SCAMP1: variants seen among roughly 807,000 people sequenced by gnomAD.
SCAMP1 encodes secretory carrier membrane protein 1, also known as secretory carrier-associated membrane protein 1.
SCAMP1 carries 15 observed loss-of-function variants against 41.8 expected under a neutral mutation model. The observed-to-expected ratio is 0.36, with a 90% CI of 0.24 to 0.55. The LOEUF is 0.55. Ranked by LOEUF, SCAMP1 falls within the 20% of genes least tolerant of loss-of-function variation. The pLI is 0.86. For synonymous variants in SCAMP1, 135 were observed against 136.8 expected (o/e 0.99, Z 0.09); for missense variants, 341 against 412.6 (o/e 0.83, Z 1.50).
chr5:78,385,014 A>G (rs927705527), intron 1 of SCAMP1, among the ~76,000 whole-genome samples: 1 of 152,102 alleles, frequency 6.6e-6, no homozygotes, highest in Non-Finnish European at 1.5e-5. Context: ...AATAGTGCCA[A>G]TAGGATTGAT....
At chr5:78,456,552 C>G (rs1753408982) in intron 7 of SCAMP1, among the ~76,000 whole-genome samples, 1 of 151,354 alleles carries the variant, frequency 6.6e-6, no homozygotes, top group Non-Finnish European at 1.5e-5. Context: ...GCCGACAGAT[C>G]TGCTGTTAGT....
At chr5:78,460,621 T>C (rs1753561014) in intron 8 of SCAMP1, among the ~76,000 whole-genome samples, 1 of 151,680 alleles carries the variant, frequency 6.6e-6, no homozygotes, top group South Asian at 2.1e-4. Flanking sequence ...TTTGTTTAAG[T>C]CCTTTATACA....
At chr5:78,450,167 C>A (rs1753184185) in intron 7 of SCAMP1, 133 bp downstream of exon 7, 1 of 583,568 alleles carries the variant, frequency 1.7e-6, no homozygotes, top group Admixed American at 3.7e-5. Context: ...TTTAAAAATA[C>A]AATTTTAAAA....
intron 1 of SCAMP1, among the ~76,000 whole-genome samples, chr5:78,386,216 T>C (rs1344271290): frequency 6.6e-6 from 1 of 152,184 alleles, no homozygotes; most frequent in Non-Finnish European, 1.5e-5. Flanking sequence ...TGTCCCTCTT[T>C]GTCTTTTTTA....
At chr5:78,422,870 AG>A (rs1374484944) in intron 6 of SCAMP1, among the ~76,000 whole-genome samples, 2 of 152,210 alleles carry the variant, frequency 1.3e-5, no homozygotes, top group South Asian at 2.1e-4. Flanking sequence ...CTCGTGAATA[AG>A]GGGTAACATT....
intron 8 of SCAMP1, among the ~76,000 whole-genome samples, chr5:78,464,339 T>C (rs550459621): frequency 6.6e-6 from 1 of 152,220 alleles, no homozygotes; most frequent in South Asian, 2.1e-4. Flanking sequence ...AGACAGGGTT[T>C]CACCATGTTG....
chr5:78,429,512 TG>T (rs1161224670), intron 6 of SCAMP1, among the ~76,000 whole-genome samples: 1 of 152,106 alleles, frequency 6.6e-6, no homozygotes, highest in African/African-American at 2.4e-5. Flanking sequence ...CCTGCATTTC[TG>T]GCATACTTTC....
At chr5:78,368,172 A>G (rs1442078562) in intron 1 of SCAMP1, among the ~76,000 whole-genome samples, 6 of 152,188 alleles carry the variant, frequency 3.9e-5, no homozygotes, top group African/African-American at 1.4e-4. Flanking sequence ...TTTTGAGACA[A>G]TCTTCATTTA....
chr5:78,381,528 T>A (rs548526806), intron 1 of SCAMP1, among the ~76,000 whole-genome samples: 46 of 152,340 alleles, frequency 3.0e-4, no homozygotes, highest in Middle Eastern at 3.4e-3. Flanking sequence ...AAATTTTGAT[T>A]AAAATGACAT....
chr5:78,391,588 C>T (rs1751505797), intron 2 of SCAMP1, among the ~76,000 whole-genome samples: 1 of 152,274 alleles, frequency 6.6e-6, no homozygotes, highest in African/African-American at 2.4e-5. Flanking sequence ...AGACGCTCCT[C>T]ACTTCCCACA....
intron 1 of SCAMP1, among the ~76,000 whole-genome samples, chr5:78,374,496 T>TA (rs1751017679): frequency 6.6e-6 from 1 of 152,134 alleles, no homozygotes; most frequent in Admixed American, 6.5e-5. Context: ...GCTGGCAATA[T>TA]AAAATGAAAC....
At chr5:78,395,421 A>G (rs970931616) in intron 2 of SCAMP1, among the ~76,000 whole-genome samples, 1 of 152,182 alleles carries the variant, frequency 6.6e-6, no homozygotes, top group South Asian at 2.1e-4. Flanking sequence ...ATGGATCCAG[A>G]TGAATACTTC....
chr5:78,477,943 T>C lies in SCAMP1; in HGVS notation c.*2275T>C, dbSNP rs1754043181. On this transcript the variant is annotated 3_prime_UTR_variant, in exon 9 of 9. Transcript: ENST00000621999. ...TCTATATTTAGTACTAAAATCACAG[T>C]CATGAAATCATAGTCATAAAATGGT... 6.6e-6 allele frequency: 1 copy of C among 152,164 alleles called. No homozygotes were observed. Among genetic ancestry groups the C allele is most frequent in the Admixed American group, 6.5e-5 (1 of 15,286 alleles). The allele number at this position is 152,164 out of a possible 1,614,324, so 9.4% of individuals were successfully genotyped here.
At chr5:78,408,202 G>A (rs11742780) in intron 2 of SCAMP1, among the ~76,000 whole-genome samples, 45,056 of 152,026 alleles carry the variant, frequency 0.3, 7,003 homozygotes, top group East Asian at 0.54. Flanking sequence ...GGTGGGAGGT[G>A]AAGGACAAGC....
intron 8 of SCAMP1, among the ~76,000 whole-genome samples, chr5:78,466,075 G>C (rs1304123559): frequency 2.0e-5 from 3 of 152,202 alleles, no homozygotes; most frequent in Admixed American, 2.0e-4. Flanking sequence ...CCATTCTTTG[G>C]AGAATTCCTT....
intron 1 of SCAMP1, among the ~76,000 whole-genome samples, chr5:78,372,385 C>T (rs985207946): frequency 1.3e-5 from 2 of 152,118 alleles, no homozygotes; most frequent in African/African-American, 4.8e-5. Context: ...GCTTCCCAGG[C>T]CAGTGCTTAC....
intron 8 of SCAMP1, among the ~76,000 whole-genome samples, chr5:78,460,671 A>G (rs797002241): frequency 5.3e-5 from 8 of 149,900 alleles, no homozygotes; most frequent in African/African-American, 2.0e-4. Context: ...TAGTTTGCAC[A>G]TATTTTCTCC....
intron 2 of SCAMP1, among the ~76,000 whole-genome samples, chr5:78,400,023 C>A (rs1211560036): frequency 6.6e-6 from 1 of 152,124 alleles, no homozygotes; most frequent in African/African-American, 2.4e-5. Context: ...CTCTTAAGCT[C>A]AAGGAATTCT....
At chr5:78,363,300 C>T (rs950466965) in intron 1 of SCAMP1, among the ~76,000 whole-genome samples, 2 of 151,900 alleles carry the variant, frequency 1.3e-5, no homozygotes, top group Admixed American at 1.3e-4. Flanking sequence ...GCAAGCGCTG[C>T]CTCCTGGGTT....
Sources: allele counts gnomAD v4.1 joint callset (sites outside exome capture counted in the v4.1 genomes callset), GRCh38; gene constraint gnomAD v4.1.1; transcripts MANE v1.5; gene names NCBI Gene and HGNC (gene_info 2026-07-23, HGNC 2026-07-21).